The following PCDHGA6 variants were observed in gnomAD, a reference collection of about 807,000 sequenced individuals.
PCDHGA6 encodes the protein protocadherin gamma-A6.
A neutral mutation model predicts 60.6 loss-of-function variants in PCDHGA6; 41 were observed. The observed-to-expected ratio is 0.68, with a 90% CI of 0.53 to 0.88. PCDHGA6 has a LOEUF of 0.88. PCDHGA6 is among the 40% of genes least tolerant of loss of function. The pLI is 0.00. For synonymous variants in PCDHGA6, 594 were observed against 524.4 expected, an observed-to-expected ratio of 1.13 and a Z score of -1.81; for missense variants, 1,312 against 1,203.0, an observed-to-expected ratio of 1.09 and a Z score of -1.34.
chr5:141,419,692 C>T (rs2096416788), intron 1 of PCDHGA6: 15 of 1,612,780 alleles, frequency 9.3e-6, no homozygotes, highest in Non-Finnish European at 1.3e-5. Context: ...TGGTGCAGGC[C>T]AGTGAGCCCG....
intron 1 of PCDHGA6, among the ~76,000 whole-genome samples, chr5:141,465,205 G>A (rs1460694369): frequency 6.6e-6 from 1 of 151,892 alleles, no homozygotes; most frequent in Admixed American, 6.6e-5. Flanking sequence ...AAAAATATAA[G>A]CTTTATTTTT....
At chr5:141,484,921 T>A in intron 1 of PCDHGA6, 1 of 478,304 alleles carries the variant, frequency 2.1e-6, no homozygotes, top group South Asian at 2.8e-5. Flanking sequence ...TTAACCCTGC[T>A]GCTGTTGGGA....
chr5:141,414,721 G>A (rs373261988), intron 1 of PCDHGA6: 29 of 1,614,004 alleles, frequency 1.8e-5, no homozygotes, highest in Middle Eastern at 1.6e-4. Flanking sequence ...CTCAGACACT[G>A]GCGTCCTGTA....
At chr5:141,501,409 A>G (rs1358547245) in intron 2 of PCDHGA6, among the ~76,000 whole-genome samples, 1 of 151,978 alleles carries the variant, frequency 6.6e-6, no homozygotes, top group African/African-American at 2.4e-5. Context: ...ACTGCTTGGA[A>G]AATAGTTGAC....
intron 1 of PCDHGA6, chr5:141,417,577 C>A: frequency 2.3e-6 from 1 of 439,676 alleles, no homozygotes; most frequent in Non-Finnish European, 4.0e-6. Flanking sequence ...AAGTTGCAGT[C>A]CCACACAGAG....
intron 1 of PCDHGA6, chr5:141,408,050 G>A: frequency 1.6e-6 from 2 of 1,259,544 alleles, no homozygotes; most frequent in Middle Eastern, 2.8e-4. Flanking sequence ...CCCACACAGA[G>A]CCTCCCGGCT....
Position 141,494,803 on chromosome 5 carries a change from A to G in PCDHGA6, c.2425-4A>G. On this transcript the variant is annotated splice_polypyrimidine_tract_variant and splice_region_variant and intron_variant, in intron 1 of 3. Transcript: ENST00000517434. ...CAGCCCCTTTCCCTCTGTTTTCTCC[A>G]CAGCAAGCCCCGCCCAACACGGACT... The G allele has an allele frequency of 6.2e-7, 1 of 1,613,646 alleles. No individual in the cohort carries two copies. Among genetic ancestry groups the G allele is most frequent in the Non-Finnish European group, 8.5e-7 (1 of 1,179,900 alleles).
At chr5:141,414,460 A>G in intron 1 of PCDHGA6, 1 of 1,613,922 alleles carries the variant, frequency 6.2e-7, no homozygotes, top group Non-Finnish European at 8.5e-7. Context: ...AGTGACAGCC[A>G]CAGATGGGGG....
rs776426026 is a variant in PCDHGA6 at position 141,375,703 on chromosome 5, G to C, written c.1620G>C (p.Pro540=). 6 of 1,614,144 alleles carry C rather than the reference G, an allele frequency of 3.7e-6. No homozygotes were observed. The highest frequency in any genetic ancestry group is 5.1e-6 in the Non-Finnish European group (6 of 1,180,056). The change falls in exon 1 of 4, where the codon CCG becomes CCC. Residue 540 remains proline (P), a synonymous_variant. Coordinates refer to ENST00000517434, the MANE Select transcript of PCDHGA6 (RefSeq NM_018919.3). ...LWVTASDSGD[P]PLSSNVSLSL... ...TGACAGCCAGCGACAGCGGGGACCC[G>C]CCTCTTAGCAGCAACGTGTCACTGA...
At chr5:141,444,561 G>A (rs1554133061) in intron 1 of PCDHGA6, among the ~76,000 whole-genome samples, 2 of 152,098 alleles carry the variant, frequency 1.3e-5, no homozygotes, top group Non-Finnish European at 2.9e-5. Context: ...GCACTTATTT[G>A]ACACTTTTGA....
chr5:141,462,372 C>A (rs2099038225), intron 1 of PCDHGA6, among the ~76,000 whole-genome samples: 1 of 152,096 alleles, frequency 6.6e-6, no homozygotes, highest in African/African-American at 2.4e-5. Flanking sequence ...AGTTTCTATT[C>A]TTTTAAATTC....
At chr5:141,462,980 G>T (rs1249102130) in intron 1 of PCDHGA6, among the ~76,000 whole-genome samples, 1 of 152,006 alleles carries the variant, frequency 6.6e-6, no homozygotes, top group Non-Finnish European at 1.5e-5. Flanking sequence ...AGTAACTTTT[G>T]CCTTGGGCTA....
At chr5:141,458,662 C>T (rs948275548) in intron 1 of PCDHGA6, among the ~76,000 whole-genome samples, 3 of 152,064 alleles carry the variant, frequency 2.0e-5, no homozygotes, top group East Asian at 1.9e-4. Flanking sequence ...CTCCACCTCT[C>T]GGGTTCAAGC....
At position 141,373,916 on chromosome 5, in the gene PCDHGA6, A is replaced by C. The variant is rs1769959777; in HGVS notation, c.-168A>C. 2 of 648,756 alleles carry C rather than the reference A, an allele frequency of 3.1e-6. No homozygotes were observed. Among genetic ancestry groups the C allele is most frequent in the African/African-American group, 3.7e-5 (2 of 53,874 alleles). 40.2% of individuals were successfully genotyped at this position (648,756 alleles called of 1,614,324 possible). ...AAGTTACATCCTCCAACAACAAAGCAAATTAGACGGGAAAGCAGGAAAGCT... is the reference window on the plus strand; with the variant it reads ...AAGTTACATCCTCCAACAACAAAGCCAATTAGACGGGAAAGCAGGAAAGCT... On this transcript the variant is annotated 5_prime_UTR_variant, in exon 1 of 4. Transcript: ENST00000517434.
chr5:141,395,463 C>A, intron 1 of PCDHGA6: 1 of 582,522 alleles, frequency 1.7e-6, no homozygotes, highest in Non-Finnish European at 2.9e-6. Flanking sequence ...CCATTTTAAG[C>A]CTTCCAGTAT....
Position 141,489,434 on chromosome 5 carries a change from A to G in PCDHGA6, c.2425-5373A>G. On this transcript the variant is annotated intron_variant, in intron 1 of 3. Transcript: ENST00000517434. This position sits in a 1 kb window ranked among gnomAD's most constrained non-coding sequence, Gnocchi z 4.5. ...ACAGATCTGTTGAGCCGGCGGCTGC[A>G]ATTGGGCTCTGAGGAGAATGGGCGC... 6.2e-7 allele frequency: 1 copy of G among 1,614,138 alleles called. No individual in the cohort carries two copies. The highest frequency in any genetic ancestry group is 8.5e-7 in the Non-Finnish European group (1 of 1,180,044).
At position 141,389,059 on chromosome 5, in the gene PCDHGA6, T is replaced by C. The variant is rs773183818; in HGVS notation, c.2424+12552T>C. The stretch of plus-strand genomic sequence containing the variant: ...TTGGAAGGTGATGTTCCATTTAAAA[T>C]ATTAACTTCTTCAAGAAACACGTAT... On this transcript the variant is annotated intron_variant, in intron 1 of 3. Transcript: ENST00000517434. 4 of 1,613,988 alleles carry C rather than the reference T, an allele frequency of 2.5e-6. No individual in the cohort carries two copies. In the South Asian group the frequency reaches 4.4e-5, roughly 18 times the overall value.
intron 1 of PCDHGA6, chr5:141,403,322 A>G (rs1156229289): frequency 6.2e-7 from 1 of 1,613,982 alleles, no homozygotes; most frequent in Non-Finnish European, 8.5e-7. Flanking sequence ...AATAGAAGTA[A>G]CTGATATTAA....
rs115001531 is a variant in PCDHGA6, at chr5:141,495,385, G to A, written c.2483+520G>A. Among the ~76,000 whole-genome samples the A allele has an allele frequency of 2.2e-3, 339 of 152,328 alleles. 1 individual carries two copies. Among genetic ancestry groups the A allele is most frequent in the African/African-American group, 7.9e-3 (329 of 41,590 alleles). ...AGGTGGAACTGAGGAAGGACTGGGC[G>A]GGGCATGGAGCAGGCCCCCTTCTCC... On this transcript the variant is annotated intron_variant, in intron 2 of 3. Transcript: ENST00000517434.
Sources: gnomAD v4.1 joint callset for allele counts (sites outside exome capture counted in the v4.1 genomes callset) on GRCh38, gnomAD v4.1.1 for gene constraint, Gnocchi (gnomAD v3.1) non-coding constraint, MANE v1.5 for transcripts, NCBI Gene and HGNC (gene_info 2026-07-23, HGNC 2026-07-21) for gene names.